PIGU: variants seen among roughly 807,000 people sequenced by gnomAD.
PIGU encodes the protein phosphatidylinositol glycan anchor biosynthesis class U, also known as GPI-anchor transamidase component PIGU.
In PIGU, 24 loss-of-function variants were observed where a neutral mutation model predicts 49.9. That is an observed-to-expected ratio of 0.48 (90% CI 0.35 to 0.68). The LOEUF is 0.68. Among genes scored for constraint, PIGU ranks in the 30% least tolerant of loss-of-function variants. The pLI is 0.01. For synonymous variants in PIGU, 220 were observed against 205.7 expected (o/e 1.07, Z -0.59); for missense variants, 490 against 532.6 (o/e 0.92, Z 0.79).
chr20:34,651,914 G>T (rs1308593357), intron 2 of PIGU, among the ~76,000 whole-genome samples: 9 of 151,808 alleles, frequency 5.9e-5, no homozygotes, highest in Non-Finnish European at 1.3e-4. Context: ...GACCATCCCG[G>T]GCAACAAAGT....
chr20:34,649,901 T>C (rs1313771810), intron 2 of PIGU, among the ~76,000 whole-genome samples: 2 of 143,914 alleles, frequency 1.4e-5, no homozygotes, highest in African/African-American at 2.6e-5. Flanking sequence ...CAGGCTGGAG[T>C]GCAGTGGCGC....
chr20:34,653,958 C>T (rs1035586410), intron 2 of PIGU, among the ~76,000 whole-genome samples: 7 of 151,602 alleles, frequency 4.6e-5, no homozygotes, highest in Non-Finnish European at 5.9e-5. Flanking sequence ...CCCGTGTTCA[C>T]GCCATTCTCC....
intron 11 of PIGU, among the ~76,000 whole-genome samples, chr20:34,574,366 C>T (rs561789240): frequency 3.9e-5 from 6 of 152,324 alleles, no homozygotes; most frequent in Middle Eastern, 3.4e-3. Context: ...GTACTTGGGA[C>T]GGCTGCAACA....
chr20:34,643,370 C>T (rs1986230035), intron 4 of PIGU, among the ~76,000 whole-genome samples: 1 of 152,206 alleles, frequency 6.6e-6, no homozygotes, highest in Non-Finnish European at 1.5e-5. Context: ...TCACCAGCTT[C>T]ATCTGTCACT....
intron 11 of PIGU, among the ~76,000 whole-genome samples, chr20:34,572,695 C>G (rs1353036954): frequency 2.0e-5 from 3 of 152,116 alleles, no homozygotes; most frequent in African/African-American, 7.2e-5. Context: ...TAACCAAGGG[C>G]AACCTCAATG....
intron 1 of PIGU, among the ~76,000 whole-genome samples, chr20:34,660,659 T>G (rs1986903123): frequency 6.6e-6 from 1 of 152,124 alleles, no homozygotes; most frequent in African/African-American, 2.4e-5. Flanking sequence ...AATGGAGACA[T>G]AAAATAACTG....
At chr20:34,562,475 C>T (rs565127449) in intron 11 of PIGU, 32 of 1,289,130 alleles carry the variant, frequency 2.5e-5, no homozygotes, top group Middle Eastern at 4.4e-4. Flanking sequence ...AGATCAGAGG[C>T]GCCTGGAGGA....
chr20:34,664,342 G>A (rs899556550), intron 1 of PIGU, among the ~76,000 whole-genome samples: 12 of 152,096 alleles, frequency 7.9e-5, no homozygotes, highest in African/African-American at 2.4e-4. Context: ...TTGTAGAAAC[G>A]GGCTCTTGCT....
At chr20:34,655,968 CTTTTT>C (rs759103027) in intron 2 of PIGU, among the ~76,000 whole-genome samples, 3 of 76,772 alleles carry the variant, frequency 3.9e-5, no homozygotes, top group African/African-American at 1.5e-4. Context: ...TTTCACTATT[CTTTTT>C]TTTTTTTTTT....
chr20:34,654,973 C>A (rs1986661232), intron 2 of PIGU, among the ~76,000 whole-genome samples: 1 of 106,514 alleles, frequency 9.4e-6, no homozygotes, highest in Non-Finnish European at 2.0e-5. Context: ...CCATTGCACT[C>A]CATCCTGGGC....
intron 8 of PIGU, among the ~76,000 whole-genome samples, chr20:34,587,887 A>C (rs1008751142): frequency 2.6e-5 from 4 of 152,092 alleles, no homozygotes; most frequent in African/African-American, 9.7e-5. Flanking sequence ...TTCTTTATCC[A>C]TTTGTTTGTT....
At chr20:34,628,416 G>A (rs971249610) in intron 6 of PIGU, among the ~76,000 whole-genome samples, 4 of 152,068 alleles carry the variant, frequency 2.6e-5, no homozygotes, top group African/African-American at 9.7e-5. Context: ...AACTAAATAT[G>A]AGTGCAAAAA....
At chr20:34,575,814 T>C (rs368365168) in intron 10 of PIGU, among the ~76,000 whole-genome samples, 17 of 152,164 alleles carry the variant, frequency 1.1e-4, no homozygotes, top group African/African-American at 3.6e-4. Flanking sequence ...AGGACCTCTT[T>C]TTGACACCGT....
chr20:34,564,959 G>A (rs1228524137), intron 11 of PIGU, among the ~76,000 whole-genome samples: 1 of 152,204 alleles, frequency 6.6e-6, no homozygotes, highest in Non-Finnish European at 1.5e-5. Flanking sequence ...GAGAGGCCTG[G>A]CCCTTTCAGA....
intron 6 of PIGU, among the ~76,000 whole-genome samples, chr20:34,631,710 T>A (rs1289701452): frequency 1.1e-5 from 1 of 94,458 alleles, no homozygotes; most frequent in African/African-American, 3.6e-5. Context: ...CCAGCCACCA[T>A]GTCCGGCTAA....
chr20:34,562,442 G>A, intron 11 of PIGU: 1 of 1,288,618 alleles, frequency 7.8e-7, no homozygotes. Flanking sequence ...TGACCTGAAG[G>A]TAACACAACA....
At chr20:34,660,936 C>A (rs1986909908) in intron 1 of PIGU, among the ~76,000 whole-genome samples, 1 of 152,010 alleles carries the variant, frequency 6.6e-6, no homozygotes. Flanking sequence ...TAGGTCATTG[C>A]ACTATGGTGA....
At chr20:34,570,439 C>A (rs568472656) in intron 11 of PIGU, among the ~76,000 whole-genome samples, 1 of 113,654 alleles carries the variant, frequency 8.8e-6, no homozygotes, top group South Asian at 2.7e-4. Flanking sequence ...TTTTGAGACA[C>A]AGTCTCGCTC....
At chr20:34,593,249 A>C (rs1338080983) in intron 7 of PIGU, among the ~76,000 whole-genome samples, 5 of 151,856 alleles carry the variant, frequency 3.3e-5, no homozygotes, top group Non-Finnish European at 1.5e-5. Flanking sequence ...AAGTGGGAGG[A>C]TAGCTTGAAC....
Sources: allele counts gnomAD v4.1 joint callset (sites outside exome capture counted in the v4.1 genomes callset), GRCh38; gene constraint gnomAD v4.1.1; transcripts MANE v1.5; gene names NCBI Gene and HGNC (gene_info 2026-07-23, HGNC 2026-07-21).